The following SHC2 variants were observed in gnomAD, a reference collection of about 807,000 sequenced individuals.
SHC2 encodes the protein SHC-transforming protein 2.
A neutral mutation model predicts 60.6 loss-of-function variants in SHC2; 62 were observed. The ratio of observed to expected loss-of-function variants is 1.02; its 90% CI spans 0.83 to 1.26. The LOEUF is 1.26. Ranked by LOEUF, SHC2 falls within the 50% of genes most tolerant of loss-of-function variation. SHC2 has a pLI of 0.00. For synonymous variants in SHC2, 375 were observed against 372.4 expected (o/e 1.01, Z -0.08); for missense variants, 873 against 822.2 (o/e 1.06, Z -0.76).
At chr19:420,023 C>T (rs561151316) in intron 11 of SHC2, 2 of 152,410 alleles carry the variant, frequency 1.3e-5, no homozygotes, top group South Asian at 2.1e-4. Flanking sequence ...GGCACAATCA[C>T]GTCCTTCTGT....
rs980133848 is a variant in SHC2, at chr19:417,977, C to A, written c.*6-655G>T. Among the ~76,000 whole-genome samples the A allele has an allele frequency of 1.3e-5, 2 of 152,090 alleles. 1 individual carries two copies. The highest frequency in any genetic ancestry group is 1.3e-4 in the Admixed American group (2 of 15,274). ...ACAGCCCCCTCCCCCTGCCGGCCCT[C>A]CCTCCTCCCCGGCTGCTCTCTCAGC... On this transcript the variant is annotated intron_variant, in intron 12 of 12. Transcript: ENST00000264554.
chr19:454,677 C>G (rs1360239788), intron 1 of SHC2, among the ~76,000 whole-genome samples: 1 of 152,174 alleles, frequency 6.6e-6, no homozygotes, highest in Non-Finnish European at 1.5e-5. Context: ...GTAGTCCCAG[C>G]TACTCAGGAG....
rs12985010 is a variant in SHC2 at position 422,625 on chromosome 19, G to C, written c.1310-169C>G. The C allele has an allele frequency of 0.46, 274,534 of 599,292 alleles. 67,876 individuals are homozygous for C. The highest frequency in any genetic ancestry group is 0.52 in the Non-Finnish European group (180,826 of 347,322). 37.1% of individuals were successfully genotyped at this position (599,292 alleles called of 1,614,324 possible). On this transcript the variant is annotated intron_variant, in intron 10 of 12. Coordinates refer to ENST00000264554, the MANE Select transcript of SHC2 (RefSeq NM_012435.3). This position sits in a 1 kb window ranked among gnomAD's most constrained non-coding sequence, Gnocchi z 5.0. The stretch of plus-strand genomic sequence containing the variant: ...ACTCGCACTCTGCCCAGCCCCGTGC[G>C]TGCGGTGGGCTCACATGTGTAGCAA...
intron 1 of SHC2, among the ~76,000 whole-genome samples, chr19:454,079 G>C (rs948833505): frequency 6.6e-6 from 1 of 152,240 alleles, no homozygotes; most frequent in Non-Finnish European, 1.5e-5. Flanking sequence ...GAAGCCCAAA[G>C]ATCAGGCGTC....
At chr19:418,693 AGCTGGGGAGGGGACAGGGAGTGACG>A (rs1425867882) in intron 12 of SHC2, among the ~76,000 whole-genome samples, 2 of 152,004 alleles carry the variant, frequency 1.3e-5, no homozygotes, top group African/African-American at 4.8e-5. Context: ...GTGGGGTTGG[AGCTGGGGAGGGGACAGGGAGTGACG>A]GCTGGTGGGG....
intron 12 of SHC2, among the ~76,000 whole-genome samples, chr19:417,556 A>G (rs12462724): frequency 0.58 from 87,864 of 152,180 alleles, 26,076 homozygotes; most frequent in East Asian, 0.83. Flanking sequence ...GCGTGCAAGC[A>G]AGAATGCCGA....
intron 12 of SHC2, among the ~76,000 whole-genome samples, chr19:418,112 A>C (rs577020203): frequency 1.3e-5 from 2 of 151,664 alleles, no homozygotes; most frequent in East Asian, 3.9e-4. Context: ...TCCACACCCT[A>C]CCATGGGTCC....
intron 1 of SHC2, among the ~76,000 whole-genome samples, chr19:457,867 C>T (rs190698225): frequency 6.2e-4 from 94 of 152,382 alleles, no homozygotes; most frequent in African/African-American, 2.2e-3. Context: ...CGCCGGGAGA[C>T]GGCGAGGGCG....
Position 422,176 on chromosome 19 carries a change from C to A in SHC2, c.1590G>T (p.Lys530Asn). 1 of 1,612,044 alleles carries A rather than the reference C, an allele frequency of 6.2e-7. No homozygotes were observed. Among genetic ancestry groups the A allele is most frequent in the East Asian group, 2.2e-5 (1 of 44,828 alleles). ...CCTCGGGGTCCACGAGCAGCAGGTG[C>A]TTGGGCTGCCCGGCGTGCATGCCGG... ...VLTGMHAGQPKHLLLVDPEGV... is the reference protein window; with the variant it reads ...VLTGMHAGQPNHLLLVDPEGV... The change falls in exon 11 of 13, where the codon AAG becomes AAT. Residue 530 changes from lysine (K) to asparagine (N), a missense_variant. Lys to Asn is a moderately conservative substitution (Grantham distance 94). Transcript: ENST00000264554. The surrounding 1 kb of genome is among the most constrained non-coding windows in gnomAD (Gnocchi z 5.0).
chr19:430,672 AG>A lies in SHC2; in HGVS notation c.1174+11del, dbSNP rs1342291933. 1.2e-6 allele frequency: 2 copies of A among 1,612,050 alleles called. No homozygotes were observed. Among genetic ancestry groups the A allele is most frequent in the Non-Finnish European group, 1.7e-6 (2 of 1,179,350 alleles). On this transcript the variant is annotated intron_variant, in intron 9 of 12. Transcript: ENST00000264554. Reference sequence around the variant, plus strand: ...CCTCGTGGGTACCCCTTGCAGCCCCAGCCCATCCTACCTGTACCGGTGGACC... The same window carrying A: ...CCTCGTGGGTACCCCTTGCAGCCCCACCCATCCTACCTGTACCGGTGGACC...
At position 460,945 on chromosome 19, in the gene SHC2, C is replaced by T; in HGVS notation, c.52G>A (p.Glu18Lys). ...RAPPAPPAPP[E>K]PEAPTTFCAL... The stretch of plus-strand genomic sequence containing the variant: ...CAGAAGGTGGTGGGCGCCTCGGGCT[C>T]GGGGGGCGCGGGGGGCGCCGGGGGC... Residue 18 changes from glutamate to lysine, a missense_variant, in exon 1 of 13, where the codon GAG becomes AAG. Coordinates refer to ENST00000264554, the MANE Select transcript of SHC2 (RefSeq NM_012435.3). 1 of 982,806 alleles carries T rather than the reference C, an allele frequency of 1.0e-6. No homozygotes were observed. The highest frequency in any genetic ancestry group is 1.8e-5 in the African/African-American group (1 of 55,932). The allele number at this position is 982,806 out of a possible 1,614,324, so 60.9% of individuals were successfully genotyped here. A position where few individuals can be genotyped will look rare whatever the true frequency, so the allele number is the denominator to read the frequency against.
At chr19:443,528 AGATG>A (rs1259333083) in intron 1 of SHC2, among the ~76,000 whole-genome samples, 1 of 59,950 alleles carries the variant, frequency 1.7e-5, no homozygotes, top group South Asian at 5.6e-4. Context: ...ATGGATGGAC[AGATG>A]GATGGATGGG....
At position 425,320 on chromosome 19, in the gene SHC2, C is replaced by A. The variant is rs559068989; in HGVS notation, c.1175-89G>T. On this transcript the variant is annotated intron_variant, in intron 9 of 12. Coordinates refer to ENST00000264554, the MANE Select transcript of SHC2 (RefSeq NM_012435.3). The surrounding 1 kb of genome is among the most constrained non-coding windows in gnomAD (Gnocchi z 4.1). ...AGGCGGGGTCCCACGAGGAGCTCCC[C>A]CGGCCACCACCTGTGCTGCTGGCTG... The A allele has an allele frequency of 1.0e-5, 11 of 1,084,972 alleles. No individual in the cohort carries two copies. The African/African-American group carries it at 1.4e-4, about 14-fold the overall frequency. The allele number at this position is 1,084,972 out of a possible 1,614,324, so 67.2% of individuals were successfully genotyped here.
rs1975526603 is a variant in SHC2, at chr19:460,656, GCCGCCCCCCGC to G, written c.330_340del (p.Arg111GlyfsTer59). 1 of 1,151,958 alleles carries G rather than the reference GCCGCCCCCCGC, an allele frequency of 8.7e-7. No individual in the cohort carries two copies. Among genetic ancestry groups the G allele is most frequent in the African/African-American group, 1.7e-5 (1 of 60,518 alleles). The allele number at this position is 1,151,958 out of a possible 1,614,324, so 71.4% of individuals were successfully genotyped here. A position where few individuals can be genotyped will look rare whatever the true frequency, so the allele number is the denominator to read the frequency against. ...GGCGGCGGCGGCGTCCCCGGACCCC[GCCGCCCCCCGC>G]CCGCCCCGCGACCCCCGCGACCCCG... is the stretch of plus-strand genomic sequence containing the variant. On this transcript the variant is annotated frameshift_variant, in exon 1 of 13. Coordinates refer to ENST00000264554, the MANE Select transcript of SHC2 (RefSeq NM_012435.3). LOFTEE classifies it high-confidence loss of function.
intron 9 of SHC2, among the ~76,000 whole-genome samples, chr19:430,380 A>G (rs113400394): frequency 0.11 from 16,839 of 151,448 alleles, 1,181 homozygotes; most frequent in Middle Eastern, 0.22. Context: ...CGCAGTACCT[A>G]TATCCAACAT....
chr19:455,145 C>T (rs777151648), intron 1 of SHC2, among the ~76,000 whole-genome samples: 10 of 152,340 alleles, frequency 6.6e-5, no homozygotes, highest in South Asian at 2.1e-4. Flanking sequence ...ATAACAATGA[C>T]CTGGACCCAT....
intron 1 of SHC2, among the ~76,000 whole-genome samples, chr19:452,062 C>T (rs73489636): frequency 0.033 from 5,015 of 152,198 alleles, 280 homozygotes; most frequent in African/African-American, 0.11. Context: ...CTCTGTGCTT[C>T]CCGGAGAGTG....
In SHC2 at chr19:434,767, C is replaced by A. The variant is rs762827750; in HGVS notation, c.1052G>T (p.Gly351Val). 6.2e-7 allele frequency: 1 copy of A among 1,612,798 alleles called. No individual in the cohort carries two copies. The highest frequency in any genetic ancestry group is 8.5e-7 in the Non-Finnish European group (1 of 1,179,796). ...CAGGGCCAGCCTGGAGTCCACTAGC[C>A]CGCCCAGCGGCGGCTCCTTCCCCGG... ...SIPGKEPPLG[G>V]LVDSRLALTQ... is the part of the protein sequence containing the mutation. Residue 351 changes from glycine (G) to valine (V), a missense_variant, in exon 8 of 13, where the codon GGG becomes GTG. By Grantham distance (109) the Gly-to-Val change is moderately radical. Coordinates refer to ENST00000264554, the MANE Select transcript of SHC2 (RefSeq NM_012435.3).
At chr19:434,073 G>A (rs1370708458) in intron 8 of SHC2, among the ~76,000 whole-genome samples, 4 of 108,520 alleles carry the variant, frequency 3.7e-5, no homozygotes, top group South Asian at 9.2e-4. Flanking sequence ...AGAGGAGGCC[G>A]GGCAGATAGA....
Sources: gnomAD v4.1 joint callset for allele counts (sites outside exome capture counted in the v4.1 genomes callset) on GRCh38, gnomAD v4.1.1 for gene constraint, Gnocchi (gnomAD v3.1) non-coding constraint, MANE v1.5 for transcripts, NCBI Gene and HGNC (gene_info 2026-07-23, HGNC 2026-07-21) for gene names.